The following B3GALT1 variants were observed in gnomAD, a reference collection of about 807,000 sequenced individuals.
B3GALT1 encodes UDP-Gal:betaGlcNAc beta 1,3-galactosyltransferase, polypeptide 1.
Under a neutral mutation model 23.2 loss-of-function variants are expected in B3GALT1, and 10 were observed. The observed-to-expected ratio is 0.43, with a 90% CI of 0.27 to 0.73. B3GALT1 has a LOEUF of 0.73. Ranked by LOEUF, B3GALT1 falls within the 30% of genes least tolerant of loss-of-function variation. The pLI, the probability that B3GALT1 is intolerant of heterozygous loss-of-function variation, is 0.21. For synonymous variants in B3GALT1, 156 were observed against 141.5 expected (o/e 1.10, Z -0.73); for missense variants, 299 against 405.4 (o/e 0.74, Z 2.25).
chr2:167,863,692 A>G (rs929646869), intron 4 of B3GALT1, among the ~76,000 whole-genome samples: 10 of 152,144 alleles, frequency 6.6e-5, no homozygotes, highest in Admixed American at 6.5e-5. Flanking sequence ...TTTCTGGCCC[A>G]TGGGCATATT....
At chr2:167,748,966 C>G (rs1687692844) in intron 3 of B3GALT1, among the ~76,000 whole-genome samples, 2 of 152,104 alleles carry the variant, frequency 1.3e-5, no homozygotes, top group Non-Finnish European at 2.9e-5. Flanking sequence ...CACAGAGATT[C>G]AAGTAGAAGT....
intron 1 of B3GALT1, among the ~76,000 whole-genome samples, chr2:167,381,063 T>G (rs1367903818): frequency 1.3e-5 from 2 of 151,886 alleles, no homozygotes; most frequent in Non-Finnish European, 1.5e-5. Flanking sequence ...CACTTCTGGG[T>G]TTTTTTTATT....
At chr2:167,498,143 C>A (rs1699803636) in intron 2 of B3GALT1, among the ~76,000 whole-genome samples, 1 of 152,176 alleles carries the variant, frequency 6.6e-6, no homozygotes, top group South Asian at 2.1e-4. Context: ...CACGCTTTGG[C>A]AAAGTGATGT....
At chr2:167,530,837 G>A (rs1421244673) in intron 2 of B3GALT1, among the ~76,000 whole-genome samples, 1 of 151,992 alleles carries the variant, frequency 6.6e-6, no homozygotes, top group Non-Finnish European at 1.5e-5. Flanking sequence ...ACCAGTTTAA[G>A]CTCATTTCTT....
At chr2:167,672,230 T>C (rs1289774052) in intron 3 of B3GALT1, among the ~76,000 whole-genome samples, 1 of 152,280 alleles carries the variant, frequency 6.6e-6, no homozygotes, top group East Asian at 1.9e-4. Context: ...GATCCCCATC[T>C]ACCTTTCAGA....
At chr2:167,328,277 A>G (rs1696926295) in intron 1 of B3GALT1, among the ~76,000 whole-genome samples, 1 of 152,286 alleles carries the variant, frequency 6.6e-6, no homozygotes, top group Non-Finnish European at 1.5e-5. Context: ...ATTTTTTGGG[A>G]AAAGTTTAGA....
chr2:167,363,338 C>T (rs1697528856), intron 1 of B3GALT1, among the ~76,000 whole-genome samples: 1 of 151,988 alleles, frequency 6.6e-6, no homozygotes, highest in Admixed American at 6.6e-5. Flanking sequence ...ACACTTGCCT[C>T]ATTTTCTTTT....
intron 1 of B3GALT1, among the ~76,000 whole-genome samples, chr2:167,393,181 C>T (rs924515589): frequency 6.6e-6 from 1 of 151,332 alleles, no homozygotes; most frequent in South Asian, 2.1e-4. Context: ...TTGCAGTGAG[C>T]CGAGATTGCG....
rs564366947 is a variant in B3GALT1, at chr2:167,352,546, G to A, written c.-511+59212G>A. 1.9e-3 allele frequency among the ~76,000 whole-genome samples: 272 copies of A among 145,216 alleles called. 1 individual carries two copies. The highest frequency in any genetic ancestry group is 0.018 in the Middle Eastern group (5 of 276). On this transcript the variant is annotated intron_variant, in intron 1 of 4. Coordinates refer to ENST00000392690, the MANE Select transcript of B3GALT1 (RefSeq NM_020981.4). ...AACCTGGCTAACACGGTGAAACTCCGTCTCTACTAAAAAAAAAAAAAAAAA... is the reference window on the plus strand; with the variant it reads ...AACCTGGCTAACACGGTGAAACTCCATCTCTACTAAAAAAAAAAAAAAAAA...
intron 1 of B3GALT1, among the ~76,000 whole-genome samples, chr2:167,423,567 A>T (rs1007820020): frequency 2.0e-5 from 3 of 152,202 alleles, no homozygotes; most frequent in Admixed American, 2.0e-4. Flanking sequence ...ATTGTCAGGG[A>T]CGAGCAGATG....
chr2:167,409,426 T>C, intron 1 of B3GALT1, among the ~76,000 whole-genome samples: 1 of 152,132 alleles, frequency 6.6e-6, no homozygotes, highest in Non-Finnish European at 1.5e-5. Flanking sequence ...TAGTCCCATA[T>C]TTCTTGGAGG....
intron 2 of B3GALT1, among the ~76,000 whole-genome samples, chr2:167,512,229 C>T (rs1392908521): frequency 2.6e-5 from 4 of 151,708 alleles, no homozygotes; most frequent in African/African-American, 9.7e-5. Context: ...ATGATGCTTG[C>T]TAAAGATATT....
At chr2:167,514,752 G>A (rs1700076731) in intron 2 of B3GALT1, among the ~76,000 whole-genome samples, 1 of 152,102 alleles carries the variant, frequency 6.6e-6, no homozygotes, top group Non-Finnish European at 1.5e-5. Flanking sequence ...TGGAAATATG[G>A]ATAAATTCCT....
chr2:167,856,727 A>G (rs1690006764), intron 4 of B3GALT1, among the ~76,000 whole-genome samples: 1 of 152,212 alleles, frequency 6.6e-6, no homozygotes. Flanking sequence ...GGAGTTAAAT[A>G]GGTAAGGAAA....
chr2:167,871,985 T>G lies in B3GALT1; in HGVS notation c.*1965T>G, dbSNP rs960821978. 4 of 131,582 alleles carry G rather than the reference T, an allele frequency of 3.0e-5. No homozygotes were observed. The highest frequency in any genetic ancestry group is 3.1e-5 in the Non-Finnish European group (2 of 64,118). The allele number at this position is 131,582 out of a possible 1,614,324, so 8.2% of individuals were successfully genotyped here. A position where few individuals can be genotyped will look rare whatever the true frequency, so the allele number is the denominator to read the frequency against. ...GGCACAATCTCGGCTCACTGCAAGC[T>G]CCGCCTCCCGGGTTCACGCCATTCT... is the stretch of plus-strand genomic sequence containing the variant. On this transcript the variant is annotated 3_prime_UTR_variant, in exon 5 of 5. Transcript: ENST00000392690.
chr2:167,645,424 G>C (rs993872705), intron 2 of B3GALT1, among the ~76,000 whole-genome samples: 1 of 152,090 alleles, frequency 6.6e-6, no homozygotes, highest in Non-Finnish European at 1.5e-5. Context: ...ACACAGAAAG[G>C]TAAAGCTGTG....
At chr2:167,631,152 A>G (rs1685434062) in intron 2 of B3GALT1, among the ~76,000 whole-genome samples, 1 of 151,884 alleles carries the variant, frequency 6.6e-6, no homozygotes, top group Non-Finnish European at 1.5e-5. Flanking sequence ...GTTAATTATT[A>G]TTAGCTATTT....
rs144598275 is a variant in B3GALT1 at position 167,869,510 on chromosome 2, A to G, written c.471A>G (p.Leu157=). ...ACCATAACCTTACCCTCAAAACATT[A>G]ATGGGGATGAGATGGGTGGCCACTT... The part of the protein sequence containing the change: ...DSYHNLTLKT[L]MGMRWVATFC... The change falls in exon 5 of 5, where the codon TTA becomes TTG. Residue 157 remains leucine (L), a synonymous_variant. Transcript: ENST00000392690. This position sits in a 1 kb window ranked among gnomAD's most constrained non-coding sequence, Gnocchi z 6.4. The G allele has an allele frequency of 2.5e-6, 4 of 1,613,856 alleles. No homozygotes were observed. Among genetic ancestry groups the G allele is most frequent in the Non-Finnish European group, 3.4e-6 (4 of 1,180,022 alleles).
At chr2:167,531,666 CTTTA>C (rs2105368134) in intron 2 of B3GALT1, among the ~76,000 whole-genome samples, 1 of 152,198 alleles carries the variant, frequency 6.6e-6, no homozygotes, top group Non-Finnish European at 1.5e-5. Context: ...TATTTCTGCA[CTTTA>C]TTTCTTTCTC....
Sources: allele counts gnomAD v4.1 joint callset (sites outside exome capture counted in the v4.1 genomes callset), GRCh38; gene constraint gnomAD v4.1.1; non-coding constraint Gnocchi (gnomAD v3.1); transcripts MANE v1.5; gene names NCBI Gene and HGNC (gene_info 2026-07-23, HGNC 2026-07-21).